The following MACROD2 variants were observed in gnomAD, a reference collection of about 807,000 sequenced individuals.
MACROD2 encodes ADP-ribose glycohydrolase MACROD2.
Under a neutral mutation model 70.4 loss-of-function variants are expected in MACROD2, and 36 were observed. The ratio of observed to expected loss-of-function variants is 0.51; its 90% CI spans 0.39 to 0.68. MACROD2 has a LOEUF of 0.68. Among genes scored for constraint, MACROD2 ranks in the 30% least tolerant of loss-of-function variants. The probability of loss-of-function intolerance (pLI) is 0.00; values close to 1 mark genes in which losing one functional copy is unlikely to be tolerated. For missense variants in MACROD2, 496 were observed against 538.4 expected, an observed-to-expected ratio of 0.92 and a Z score of 0.78; for synonymous variants, 172 against 178.8, an observed-to-expected ratio of 0.96 and a Z score of 0.30.
At chr20:15,489,152 C>G (rs1046978828) in intron 7 of MACROD2, among the ~76,000 whole-genome samples, 3 of 152,262 alleles carry the variant, frequency 2.0e-5, no homozygotes, top group Non-Finnish European at 4.4e-5. Context: ...GAAAAAGTGT[C>G]TCAAGACCAA....
chr20:15,248,297 C>G (rs551849803), intron 6 of MACROD2, among the ~76,000 whole-genome samples: 1 of 152,270 alleles, frequency 6.6e-6, no homozygotes, highest in East Asian at 1.9e-4. Context: ...GTTTATCTCA[C>G]TTGAGCTCAC....
intron 5 of MACROD2, among the ~76,000 whole-genome samples, chr20:14,880,407 G>A (rs935824372): frequency 1.3e-5 from 2 of 152,312 alleles, no homozygotes; most frequent in East Asian, 1.9e-4. Context: ...AAAGCTAGGA[G>A]GAGAGTGATC....
intron 10 of MACROD2, among the ~76,000 whole-genome samples, chr20:15,916,251 C>T (rs1289700373): frequency 1.3e-5 from 2 of 152,200 alleles, no homozygotes; most frequent in Non-Finnish European, 2.9e-5. Flanking sequence ...AGAGACAGCA[C>T]TCCCTTGCCA....
chr20:15,799,324 A>G (rs1209801355), intron 8 of MACROD2, among the ~76,000 whole-genome samples: 1 of 152,112 alleles, frequency 6.6e-6, no homozygotes, highest in African/African-American at 2.4e-5. Flanking sequence ...GCTATTTTTA[A>G]TTAGGTAATA....
chr20:14,791,407 T>C lies in MACROD2; in HGVS notation c.418+106448T>C, dbSNP rs373624591. ...GAGGTTTACAGAGGCGTTATTGAGA[T>C]TTTTCAGTTGAGAACACTAACACCC... On this transcript the variant is annotated intron_variant, in intron 5 of 17. Coordinates refer to ENST00000684519, the MANE Select transcript of MACROD2 (RefSeq NM_001351661.2). 1.4e-4 allele frequency among the ~76,000 whole-genome samples: 22 copies of C among 152,106 alleles called. No individual in the cohort carries two copies. In the East Asian group the frequency reaches 2.3e-3, roughly 16 times the overall value.
At chr20:16,032,143 C>T (rs952729786) in intron 15 of MACROD2, among the ~76,000 whole-genome samples, 1 of 152,072 alleles carries the variant, frequency 6.6e-6, no homozygotes, top group Non-Finnish European at 1.5e-5. Context: ...GAAATAAACG[C>T]ATGCTATTTT....
chr20:15,077,515 A>AATTTTT (rs2075667183), intron 5 of MACROD2, among the ~76,000 whole-genome samples: 1 of 152,240 alleles, frequency 6.6e-6, no homozygotes, highest in Non-Finnish European at 1.5e-5. Flanking sequence ...TAGTATTAGT[A>AATTTTT]GTGTGGTAAA....
chr20:14,493,972 T>TA (rs1568638388), intron 4 of MACROD2: 1 of 151,950 alleles, frequency 6.6e-6, no homozygotes, highest in Admixed American at 6.6e-5. Context: ...CTTTGAAAAA[T>TA]AAAAAAGAAA....
At chr20:15,602,893 AG>A (rs1326697508) in intron 8 of MACROD2, among the ~76,000 whole-genome samples, 1 of 151,858 alleles carries the variant, frequency 6.6e-6, no homozygotes, top group African/African-American at 2.4e-5. Flanking sequence ...GAGTTCTTAT[AG>A]TTTTTTTTTA....
At chr20:14,134,225 T>C (rs1338657916) in intron 3 of MACROD2, among the ~76,000 whole-genome samples, 2 of 152,216 alleles carry the variant, frequency 1.3e-5, no homozygotes, top group Non-Finnish European at 2.9e-5. Context: ...ATCTCAGTAG[T>C]ACTTGGCAGC....
chr20:14,743,514 C>T (rs1199202220), intron 5 of MACROD2, among the ~76,000 whole-genome samples: 1 of 152,136 alleles, frequency 6.6e-6, no homozygotes, highest in Non-Finnish European at 1.5e-5. Context: ...TATGGGCAGA[C>T]TCTAGTAACT....
chr20:14,964,528 G>A (rs1200596088), intron 5 of MACROD2, among the ~76,000 whole-genome samples: 1 of 151,704 alleles, frequency 6.6e-6, no homozygotes, highest in Non-Finnish European at 1.5e-5. Flanking sequence ...AGCCGAGATC[G>A]CGCCACTGCA....
intron 4 of MACROD2, among the ~76,000 whole-genome samples, chr20:14,521,069 C>A (rs760362330): frequency 2.0e-5 from 3 of 152,214 alleles, no homozygotes; most frequent in Non-Finnish European, 4.4e-5. Context: ...CTCCAAAGCA[C>A]AGACTTAATA....
chr20:14,404,079 A>G (rs2083666556), intron 3 of MACROD2, among the ~76,000 whole-genome samples: 1 of 152,204 alleles, frequency 6.6e-6, no homozygotes, highest in Admixed American at 6.5e-5. Flanking sequence ...CAGACCGTGG[A>G]ATGAAAACAT....
chr20:15,601,183 G>T (rs966642149), intron 8 of MACROD2, among the ~76,000 whole-genome samples: 4 of 152,160 alleles, frequency 2.6e-5, no homozygotes, highest in African/African-American at 9.7e-5. Context: ...CAGCCTCACT[G>T]GGGTTCCAGT....
At chr20:14,468,397 T>C (rs1219222100) in intron 3 of MACROD2, among the ~76,000 whole-genome samples, 1 of 151,832 alleles carries the variant, frequency 6.6e-6, no homozygotes, top group Non-Finnish European at 1.5e-5. Context: ...TCTTTCTTCG[T>C]TTAAAGTCTG....
chr20:15,061,683 G>A (rs900575486), intron 5 of MACROD2, among the ~76,000 whole-genome samples: 4 of 152,138 alleles, frequency 2.6e-5, no homozygotes, highest in Admixed American at 2.0e-4. Context: ...TTAAGGATTC[G>A]TTTAGGTTAA....
chr20:15,467,522 G>A (rs1365120450), intron 7 of MACROD2, among the ~76,000 whole-genome samples: 1 of 152,110 alleles, frequency 6.6e-6, no homozygotes, highest in Non-Finnish European at 1.5e-5. Flanking sequence ...TGGGATTCAG[G>A]AGGTTATTTT....
rs554253272 is a variant in MACROD2 at position 15,020,212 on chromosome 20, T to C, written c.419-209728T>C. 4.4e-4 allele frequency among the ~76,000 whole-genome samples: 67 copies of C among 152,284 alleles called. No homozygotes were observed. In the Middle Eastern group the frequency reaches 0.01, roughly 23 times the overall value. ...AAGGAGAAGCCACTACTGTGTTCTC[T>C]TGATTTCCCAAGTCCTCACCTGAAA... On this transcript the variant is annotated intron_variant, in intron 5 of 17. Transcript: ENST00000684519.
Sources: allele counts gnomAD v4.1 joint callset (sites outside exome capture counted in the v4.1 genomes callset), GRCh38; gene constraint gnomAD v4.1.1; transcripts MANE v1.5; gene names NCBI Gene and HGNC (gene_info 2026-07-23, HGNC 2026-07-21).